DPP6: variants seen among roughly 807,000 people sequenced by gnomAD.
DPP6 encodes the protein dipeptidyl peptidase like 6.
DPP6 carries 69 observed loss-of-function variants against 122.6 expected under a neutral mutation model. The observed-to-expected ratio is 0.56, with a 90% confidence interval of 0.46 to 0.69. The LOEUF (loss-of-function observed/expected upper bound fraction) is 0.69. Among genes scored for constraint, DPP6 ranks in the 30% least tolerant of loss-of-function variants. DPP6 has a pLI of 0.00. For missense variants in DPP6, 928 were observed against 1,116.9 expected (o/e 0.83, Z 2.41); for synonymous variants, 418 against 433.1 (o/e 0.97, Z 0.43).
chr7:154,025,817 C>CA (rs1413289229), intron 1 of DPP6, among the ~76,000 whole-genome samples: 1 of 149,658 alleles, frequency 6.7e-6, no homozygotes, highest in African/African-American at 2.5e-5. Flanking sequence ...ATTGCAGTCA[C>CA]AAAAGTTTGA....
At chr7:154,874,613 G>A (rs1584952464) in intron 19 of DPP6, among the ~76,000 whole-genome samples, 1 of 152,198 alleles carries the variant, frequency 6.6e-6, no homozygotes, top group African/African-American at 2.4e-5. Flanking sequence ...ACTCGAGCGC[G>A]CCGCTCCTGG....
At chr7:154,300,819 G>A (rs1348934890) in intron 1 of DPP6, among the ~76,000 whole-genome samples, 1 of 152,204 alleles carries the variant, frequency 6.6e-6, no homozygotes, top group East Asian at 1.9e-4. Flanking sequence ...ATTATGGGCT[G>A]TTGGGTCCCC....
At chr7:154,643,654 G>A (rs1836258326) in intron 6 of DPP6, among the ~76,000 whole-genome samples, 1 of 152,026 alleles carries the variant, frequency 6.6e-6, no homozygotes, top group African/African-American at 2.4e-5. Context: ...ATTTTTAGTA[G>A]AGACGGGGTT....
At chr7:154,295,575 A>G (rs938923473) in intron 1 of DPP6, among the ~76,000 whole-genome samples, 2 of 152,160 alleles carry the variant, frequency 1.3e-5, no homozygotes, top group Non-Finnish European at 2.9e-5. Context: ...AGTTCATAGC[A>G]TACCAGCATC....
intron 8 of DPP6, among the ~76,000 whole-genome samples, chr7:154,753,576 G>C (rs1015344009): frequency 1.3e-5 from 2 of 152,204 alleles, no homozygotes; most frequent in African/African-American, 4.8e-5. Flanking sequence ...GGGGCCATCT[G>C]GGTGTGGGGC....
At chr7:153,839,555 G>C in the DPP6 span, among the ~76,000 whole-genome samples, 3 of 152,326 alleles carry the variant, frequency 2.0e-5, no homozygotes, top group Admixed American at 2.0e-4. Flanking sequence ...ACAGTAGGGA[G>C]AAGTCCCACT....
the DPP6 span, among the ~76,000 whole-genome samples, chr7:153,790,656 T>C: frequency 6.6e-6 from 1 of 152,216 alleles, no homozygotes; most frequent in Non-Finnish European, 1.5e-5. Flanking sequence ...AATCGTGATT[T>C]GATGATATAC....
Position 154,887,813 on chromosome 7 carries a change from G to A in DPP6, c.2304+79G>A, listed in dbSNP as rs1198696746. The stretch of plus-strand genomic sequence containing the variant: ...GTCTCCCAGCCTGCCCTGGCTGTAT[G>A]GCCCACTCTGCCTTCCCCAGCCCCA... On this transcript the variant is annotated intron_variant, in intron 23 of 25. Coordinates refer to ENST00000377770, the MANE Select transcript of DPP6 (RefSeq NM_130797.4). The A allele has an allele frequency of 7.8e-5, 119 of 1,521,348 alleles. 2 individuals carry two copies. In the South Asian group the frequency reaches 1.1e-3, roughly 14 times the overall value. The allele number at this position is 1,521,348 out of a possible 1,614,324, so 94.2% of individuals were successfully genotyped here.
chr7:154,841,939 C>T (rs538431892), intron 16 of DPP6, among the ~76,000 whole-genome samples: 31 of 152,076 alleles, frequency 2.0e-4, no homozygotes, highest in Non-Finnish European at 4.4e-4. Context: ...CCAAATCAAA[C>T]GGCAACAAAA....
chr7:154,015,277 G>A (rs2429614), intron 1 of DPP6, among the ~76,000 whole-genome samples: 15 of 151,682 alleles, frequency 9.9e-5, no homozygotes, highest in African/African-American at 2.7e-4. Flanking sequence ...CCATGTCCTC[G>A]ACCGGTTCTG....
At chr7:154,639,057 C>T (rs1835902465) in intron 6 of DPP6, among the ~76,000 whole-genome samples, 1 of 152,204 alleles carries the variant, frequency 6.6e-6, no homozygotes, top group South Asian at 2.1e-4. Context: ...GGCTAGAAAG[C>T]ATTTTTCCAT....
intron 16 of DPP6, among the ~76,000 whole-genome samples, chr7:154,812,602 A>T (rs1799140850): frequency 6.6e-6 from 1 of 151,950 alleles, no homozygotes; most frequent in African/African-American, 2.4e-5. Flanking sequence ...AAGTGCACTA[A>T]TGCCATTCCC....
chr7:153,942,216 C>T (rs1029186941), intron 1 of DPP6, among the ~76,000 whole-genome samples: 6 of 152,236 alleles, frequency 3.9e-5, no homozygotes, highest in African/African-American at 1.4e-4. Context: ...TTCTGTGTGC[C>T]AGGCACCACC....
At chr7:154,251,166 C>T (rs1191840532) in intron 1 of DPP6, among the ~76,000 whole-genome samples, 3 of 152,170 alleles carry the variant, frequency 2.0e-5, no homozygotes, top group Non-Finnish European at 4.4e-5. Flanking sequence ...TAATTAGAGA[C>T]TTATAGCAGC....
intron 1 of DPP6, among the ~76,000 whole-genome samples, chr7:153,983,389 C>G (rs1030272467): frequency 1.3e-5 from 2 of 152,222 alleles, no homozygotes; most frequent in African/African-American, 4.8e-5. Context: ...TGGCGATCAC[C>G]CCTCCCCTGA....
intron 2 of DPP6, among the ~76,000 whole-genome samples, chr7:154,455,418 A>G (rs117892124): frequency 0.044 from 6,683 of 152,224 alleles, 214 homozygotes; most frequent in Non-Finnish European, 0.067. Flanking sequence ...GATTTGTGAA[A>G]TCCTTGAGGA....
At chr7:154,140,510 G>A (rs1028623621) in intron 1 of DPP6, among the ~76,000 whole-genome samples, 1 of 152,134 alleles carries the variant, frequency 6.6e-6, no homozygotes, top group African/African-American at 2.4e-5. Context: ...AAAGAGAGAT[G>A]AGGTCTCACT....
intron 1 of DPP6, among the ~76,000 whole-genome samples, chr7:153,987,345 T>G (rs1796898970): frequency 6.6e-6 from 1 of 152,178 alleles, no homozygotes; most frequent in South Asian, 2.1e-4. Context: ...AATCACTGGC[T>G]CCCAGACTCC....
At chr7:154,616,592 G>A (rs1350793595) in intron 5 of DPP6, among the ~76,000 whole-genome samples, 6 of 152,138 alleles carry the variant, frequency 3.9e-5, no homozygotes, top group African/African-American at 7.2e-5. Flanking sequence ...TCTCGGGCGC[G>A]AGCGAATCCC....
Sources: gnomAD v4.1 joint callset for allele counts (sites outside exome capture counted in the v4.1 genomes callset) on GRCh38, gnomAD v4.1.1 for gene constraint, MANE v1.5 for transcripts, NCBI Gene and HGNC (gene_info 2026-07-23, HGNC 2026-07-21) for gene names.